The following PTPRD variants were observed in gnomAD, a reference collection of about 807,000 sequenced individuals.
PTPRD encodes the protein receptor-type tyrosine-protein phosphatase delta.
A neutral mutation model predicts 214.5 loss-of-function variants in PTPRD; 34 were observed. The ratio of observed to expected loss-of-function variants is 0.16; its 90% CI spans 0.12 to 0.21. The LOEUF is 0.21. Ranked by LOEUF, PTPRD falls within the 10% of genes least tolerant of loss-of-function variation. PTPRD has a pLI of 1.00. For synonymous variants in PTPRD, 1,128 were observed against 845.7 expected (o/e 1.33, Z -5.79); for missense variants, 2,545 against 2,398.7 (o/e 1.06, Z -1.27).
chr9:9,045,240 G>A (rs1215142443), intron 10 of PTPRD, among the ~76,000 whole-genome samples: 1 of 152,118 alleles, frequency 6.6e-6, no homozygotes, highest in African/African-American at 2.4e-5. Flanking sequence ...GAGCTTGCTG[G>A]AAATCAGAGC....
chr9:9,301,631 G>A (rs183869488), intron 9 of PTPRD, among the ~76,000 whole-genome samples: 12 of 151,894 alleles, frequency 7.9e-5, no homozygotes, highest in Admixed American at 5.9e-4. Flanking sequence ...TACTGAAGCC[G>A]ACTTTTGATG....
chr9:9,904,998 T>A (rs2077218830), intron 5 of PTPRD, among the ~76,000 whole-genome samples: 1 of 152,036 alleles, frequency 6.6e-6, no homozygotes, highest in Admixed American at 6.6e-5. Context: ...ATCATCTTCC[T>A]AAATATGCAA....
intron 11 of PTPRD, among the ~76,000 whole-genome samples, chr9:8,871,170 G>A (rs1474105325): frequency 6.6e-6 from 1 of 152,090 alleles, no homozygotes; most frequent in Non-Finnish European, 1.5e-5. Context: ...AAAGCCCTGG[G>A]CATATGTTCA....
chr9:8,645,435 TTAAC>T (rs1194401121), intron 12 of PTPRD, among the ~76,000 whole-genome samples: 2 of 152,230 alleles, frequency 1.3e-5, no homozygotes, highest in Non-Finnish European at 2.9e-5. Flanking sequence ...TTGACACTGA[TTAAC>T]TCTCTTCCAT....
At chr9:10,489,317 G>A (rs1589307570) in intron 2 of PTPRD, among the ~76,000 whole-genome samples, 1 of 152,152 alleles carries the variant, frequency 6.6e-6, no homozygotes, top group Non-Finnish European at 1.5e-5. Flanking sequence ...TACTGCGGCT[G>A]AGCTGGTATC....
intron 7 of PTPRD, among the ~76,000 whole-genome samples, chr9:9,628,318 A>G (rs1361232861): frequency 6.6e-6 from 1 of 152,136 alleles, no homozygotes; most frequent in Non-Finnish European, 1.5e-5. Flanking sequence ...GGCTTATTCC[A>G]TATCCTACCA....
chr9:9,124,299 T>C (rs1322463165), intron 10 of PTPRD, among the ~76,000 whole-genome samples: 4 of 152,198 alleles, frequency 2.6e-5, no homozygotes, highest in Admixed American at 6.6e-5. Flanking sequence ...TACTTACATA[T>C]ATTAGTAAGA....
intron 11 of PTPRD, among the ~76,000 whole-genome samples, chr9:8,957,233 G>T (rs947574268): frequency 6.6e-6 from 1 of 151,536 alleles, no homozygotes; most frequent in African/African-American, 2.4e-5. Flanking sequence ...TCTAAATATA[G>T]TCCCCAAATT....
intron 11 of PTPRD, among the ~76,000 whole-genome samples, chr9:8,804,583 G>C (rs2096637791): frequency 6.6e-6 from 1 of 152,180 alleles, no homozygotes; most frequent in East Asian, 1.9e-4. Flanking sequence ...GTGTGACAGA[G>C]AGACACTCTG....
At chr9:9,733,209 A>G (rs1564843260) in intron 7 of PTPRD, among the ~76,000 whole-genome samples, 1 of 152,196 alleles carries the variant, frequency 6.6e-6, no homozygotes, top group Admixed American at 6.5e-5. Context: ...GGACTCAAAT[A>G]TAAGGAATAA....
intron 34 of PTPRD, chr9:8,437,342 T>C: frequency 4.4e-6 from 4 of 914,456 alleles, no homozygotes; most frequent in Non-Finnish European, 6.5e-6. Flanking sequence ...CTAATTAAAA[T>C]GCTGCAAGTT....
chr9:8,720,378 T>A (rs1308117793), intron 12 of PTPRD, among the ~76,000 whole-genome samples: 1 of 152,204 alleles, frequency 6.6e-6, no homozygotes. Flanking sequence ...TACTACCACT[T>A]CTGCACCCTC....
intron 10 of PTPRD, among the ~76,000 whole-genome samples, chr9:9,145,981 G>A (rs73399612): frequency 0.054 from 8,275 of 152,252 alleles, 396 homozygotes; most frequent in East Asian, 0.22. Flanking sequence ...CGGGAAACAA[G>A]TGCCTGATGG....
intron 11 of PTPRD, among the ~76,000 whole-genome samples, chr9:8,891,137 A>ATTTTTTTTTTCTT (rs2098535815): frequency 8.1e-6 from 1 of 123,626 alleles, no homozygotes; most frequent in Non-Finnish European, 1.7e-5. Flanking sequence ...AATTAATCTA[A>ATTTTTTTTTTCTT]TTTTTTTTTT....
At chr9:9,798,843 A>C (rs1228487226) in intron 5 of PTPRD, among the ~76,000 whole-genome samples, 1 of 152,228 alleles carries the variant, frequency 6.6e-6, no homozygotes, top group Non-Finnish European at 1.5e-5. Flanking sequence ...ATCAGAGATT[A>C]GAAAATATCA....
chr9:9,787,283 G>A (rs903547252), intron 5 of PTPRD, among the ~76,000 whole-genome samples: 10 of 151,606 alleles, frequency 6.6e-5, no homozygotes, highest in Admixed American at 2.6e-4. Context: ...TAGTTGGGTG[G>A]TAGAGAGTGC....
chr9:9,808,112 C>A (rs1404293631), intron 5 of PTPRD, among the ~76,000 whole-genome samples: 1 of 152,168 alleles, frequency 6.6e-6, no homozygotes, highest in African/African-American at 2.4e-5. Flanking sequence ...GTTTAAGCCA[C>A]ACTTAATCAG....
intron 14 of PTPRD, among the ~76,000 whole-genome samples, chr9:8,549,870 G>C (rs778815863): frequency 6.6e-6 from 1 of 152,000 alleles, no homozygotes; most frequent in Non-Finnish European, 1.5e-5. Flanking sequence ...CATGCAATCA[G>C]ACAAAAAGGG....
chr9:9,623,656 A>G (rs906775187), intron 7 of PTPRD, among the ~76,000 whole-genome samples: 1 of 152,224 alleles, frequency 6.6e-6, no homozygotes. Flanking sequence ...CCTGTGTGGT[A>G]CAATGGCCAG....
Sources: allele counts gnomAD v4.1 joint callset (sites outside exome capture counted in the v4.1 genomes callset), GRCh38; gene constraint gnomAD v4.1.1; transcripts MANE v1.5; gene names NCBI Gene and HGNC (gene_info 2026-07-23, HGNC 2026-07-21).